FXYD7: variants seen among roughly 807,000 people sequenced by gnomAD.
The protein encoded by FXYD7 is FXYD domain-containing ion transport regulator 7.
A neutral mutation model predicts 15.3 loss-of-function variants in FXYD7; 7 were observed. The ratio of observed to expected loss-of-function variants is 0.46; its 90% CI spans 0.26 to 0.86. The LOEUF (loss-of-function observed/expected upper bound fraction) is 0.86. FXYD7 is among the 40% of genes least tolerant of loss of function. FXYD7 has a pLI of 0.16. For missense variants in FXYD7, 78 were observed against 100.6 expected (o/e 0.78, Z 0.96); for synonymous variants, 39 against 39.3 (o/e 0.99, Z 0.03).
At chr19:35,151,872 C>T (rs551507536) in intron 5 of FXYD7, among the ~76,000 whole-genome samples, 199 bp downstream of exon 5, 1 of 152,182 alleles carries the variant, frequency 6.6e-6, no homozygotes, top group African/African-American at 2.4e-5. Flanking sequence ...GGCGCGGTGG[C>T]TCATGCCTGT....
chr19:35,144,673 C>A (rs1273146983), intron 1 of FXYD7, among the ~76,000 whole-genome samples: 1 of 149,746 alleles, frequency 6.7e-6, no homozygotes, highest in Non-Finnish European at 1.5e-5. Flanking sequence ...AGGCTGGAAG[C>A]TACCCTAGGG....
chr19:35,149,099 G>C (rs1425120633), intron 2 of FXYD7: 4 of 472,726 alleles, frequency 8.5e-6, no homozygotes, highest in South Asian at 6.2e-5. Flanking sequence ...TGCCTCTCTG[G>C]GCCCTTCTGT....
intron 3 of FXYD7, 38 bp from the exon 4 acceptor site, chr19:35,151,402 A>G (rs2065309384): frequency 1.2e-5 from 19 of 1,611,686 alleles, no homozygotes; most frequent in Non-Finnish European, 1.6e-5. Context: ...CCTACCCGCT[A>G]TGTCCTGTCT....
chr19:35,150,553 G>T (rs1000057707), intron 2 of FXYD7, among the ~76,000 whole-genome samples: 4 of 152,212 alleles, frequency 2.6e-5, no homozygotes, highest in African/African-American at 9.7e-5. Context: ...ATCAAATAAA[G>T]CCCAGACACT....
intron 1 of FXYD7, among the ~76,000 whole-genome samples, chr19:35,144,155 G>C (rs2065280029): frequency 6.6e-6 from 1 of 152,040 alleles, no homozygotes; most frequent in African/African-American, 2.4e-5. Flanking sequence ...GGGGAGAGAG[G>C]GGAGTAGAAA....
intron 2 of FXYD7, among the ~76,000 whole-genome samples, chr19:35,150,943 G>A (rs889310535): frequency 1.3e-5 from 2 of 152,076 alleles, no homozygotes; most frequent in Non-Finnish European, 2.9e-5. Flanking sequence ...CCAGATGGGC[G>A]ACAATGGTGG....
intron 5 of FXYD7, among the ~76,000 whole-genome samples, chr19:35,152,739 G>A (rs2065316079): frequency 6.6e-6 from 1 of 151,664 alleles, no homozygotes. Context: ...GAGGGAGAAT[G>A]GGTGTAAGCA....
intron 1 of FXYD7, among the ~76,000 whole-genome samples, chr19:35,147,870 T>G (rs1262366149): frequency 6.6e-6 from 1 of 151,464 alleles, no homozygotes. Context: ...AGTGCACACC[T>G]ATAGTCCCGG....
At position 35,143,357 on chromosome 19, in the gene FXYD7, C is replaced by A. The variant is rs1178111581; in HGVS notation, c.24C>A (p.Pro8=). 3.9e-6 allele frequency: 6 copies of A among 1,521,656 alleles called. No homozygotes were observed. The African/African-American group carries it at 7.2e-5, about 18-fold the overall frequency. 94.3% of individuals were successfully genotyped at this position (1,521,656 alleles called of 1,614,324 possible). MATPTQT[P]TKAPEEPDPF... is the part of the protein sequence containing the mutation. ...GCATGGCGACCCCGACCCAGACCCC[C>A]ACAAAGGGTGAGCGTCGTTTGGGGA... is the stretch of plus-strand genomic sequence containing the variant. Residue 8 remains proline, a synonymous_variant, in exon 1 of 6, where the codon CCC becomes CCA. Transcript: ENST00000270310. The surrounding 1 kb of genome is among the most constrained non-coding windows in gnomAD (Gnocchi z 4.3).
chr19:35,147,675 C>G (rs946413239), intron 1 of FXYD7, among the ~76,000 whole-genome samples: 40 of 152,074 alleles, frequency 2.6e-4, no homozygotes, highest in Non-Finnish European at 4.4e-5. Context: ...AATTTTGAAT[C>G]TTAAACTTGA....
chr19:35,151,227 C>T (rs201979195), intron 2 of FXYD7, 27 bp from the exon 3 acceptor site: 1 of 1,477,660 alleles, frequency 6.8e-7, no homozygotes, highest in South Asian at 1.1e-5. Context: ...CTGTCCCTGC[C>T]TCGATGTCCC....
At chr19:35,151,778 G>A (rs150824677) in intron 5 of FXYD7, 105 bp downstream of exon 5, 18 of 780,830 alleles carry the variant, frequency 2.3e-5, no homozygotes, top group East Asian at 2.0e-4. Context: ...GGGGGCGGAG[G>A]GGGGGTGGTG....
At chr19:35,151,966 C>A (rs1212693479) in intron 5 of FXYD7, among the ~76,000 whole-genome samples, 1 of 151,546 alleles carries the variant, frequency 6.6e-6, no homozygotes, top group Non-Finnish European at 1.5e-5. Context: ...TGGTGAAACA[C>A]CGTCTCTGCT....
Position 35,154,028 on chromosome 19 carries a change from C to A in FXYD7, c.*112C>A. The A allele has an allele frequency of 1.0e-6, 1 of 954,480 alleles. No homozygotes were observed. The allele number at this position is 954,480 out of a possible 1,614,324, so 59.1% of individuals were successfully genotyped here. On this transcript the variant is annotated 3_prime_UTR_variant, in exon 6 of 6. Coordinates refer to ENST00000270310, the MANE Select transcript of FXYD7 (RefSeq NM_022006.2). ...GCCGGGAGCGCTCCCCGGAATGAGC[C>A]GCCCCACCCACCCCAAGGCTGGAGC...
chr19:35,152,134 C>CAAAAAAAAAAAAAAAAAAAAAAA (rs71167517), intron 5 of FXYD7, among the ~76,000 whole-genome samples: 1 of 45,138 alleles, frequency 2.2e-5, no homozygotes, highest in Non-Finnish European at 3.9e-5. Context: ...GTGAGACTGT[C>CAAAAAAAAAAAAAAAAAAAAAAA]AAAAAAAAAA....
chr19:35,147,751 T>A (rs2065293401), intron 1 of FXYD7, among the ~76,000 whole-genome samples: 1 of 152,036 alleles, frequency 6.6e-6, no homozygotes, highest in African/African-American at 2.4e-5. Flanking sequence ...CCCAGCACTA[T>A]GGGAGGCTGA....
chr19:35,143,262 C>T lies in FXYD7; in HGVS notation c.-72C>T. 1 of 1,053,966 alleles carries T rather than the reference C, an allele frequency of 9.5e-7. No homozygotes were observed. The highest frequency in any genetic ancestry group is 1.4e-6 in the Non-Finnish European group (1 of 713,982). The allele number at this position is 1,053,966 out of a possible 1,614,324, so 65.3% of individuals were successfully genotyped here. On this transcript the variant is annotated 5_prime_UTR_variant, in exon 1 of 6. Transcript: ENST00000270310. This position sits in a 1 kb window ranked among gnomAD's most constrained non-coding sequence, Gnocchi z 4.3. ...CCCCCCAGCTCCCCCCCACATCGGT[C>T]CGTCCTGCTTCCAGCTGCTGCAGCG...
chr19:35,154,182 C>T lies in FXYD7; in HGVS notation c.*266C>T. The T allele has an allele frequency of 1.8e-6, 1 of 540,676 alleles. No individual in the cohort carries two copies. The highest frequency in any genetic ancestry group is 3.3e-6 in the Non-Finnish European group (1 of 305,874). 33.5% of individuals were successfully genotyped at this position (540,676 alleles called of 1,614,324 possible). On this transcript the variant is annotated 3_prime_UTR_variant, in exon 6 of 6. Transcript: ENST00000270310. ...CGGGAGTCCATCCCGGCCCAGCACC[C>T]CCAGCATCCCCGTGTATGGCCCCCC...
chr19:35,152,770 C>T (rs1490608961), intron 5 of FXYD7, among the ~76,000 whole-genome samples: 1 of 151,218 alleles, frequency 6.6e-6, no homozygotes, highest in African/African-American at 2.4e-5. Context: ...AAAGGGAGAG[C>T]GAGAGGGATG....
Sources: allele counts gnomAD v4.1 joint callset (sites outside exome capture counted in the v4.1 genomes callset), GRCh38; gene constraint gnomAD v4.1.1; non-coding constraint Gnocchi (gnomAD v3.1); transcripts MANE v1.5; gene names NCBI Gene and HGNC (gene_info 2026-07-23, HGNC 2026-07-21).